Variants in DISC1 observed in about 807,000 individuals in gnomAD.
DISC1 encodes the protein disrupted in schizophrenia 1 protein.
In DISC1, 57 loss-of-function variants were observed where a neutral mutation model predicts 84.5. That is an observed-to-expected ratio of 0.67 (90% CI 0.55 to 0.84). The LOEUF (loss-of-function observed/expected upper bound fraction) is 0.84. Ranked by LOEUF, DISC1 falls within the 40% of genes least tolerant of loss-of-function variation. The pLI, the probability that DISC1 is intolerant of heterozygous loss-of-function variation, is 0.00. For missense variants in DISC1, 1,000 were observed against 1,057.8 expected (o/e 0.95, Z 0.76); for synonymous variants, 411 against 415.2 (o/e 0.99, Z 0.12).
intron 1 of DISC1, among the ~76,000 whole-genome samples, chr1:231,689,516 G>C (rs1008076224): frequency 6.6e-6 from 1 of 151,988 alleles, no homozygotes; most frequent in Non-Finnish European, 1.5e-5. Flanking sequence ...ATTTTTAGTA[G>C]AGATGGGGCC....
chr1:231,889,660 T>A (rs1237927721), intron 9 of DISC1, among the ~76,000 whole-genome samples: 1 of 152,214 alleles, frequency 6.6e-6, no homozygotes, highest in African/African-American at 2.4e-5. Context: ...GTGATCCCAC[T>A]GGATCTCAGA....
At chr1:231,973,602 C>G (rs770908320) in intron 10 of DISC1, among the ~76,000 whole-genome samples, 1 of 152,156 alleles carries the variant, frequency 6.6e-6, no homozygotes, top group African/African-American at 2.4e-5. Context: ...AACAACCCAC[C>G]GAAGCATCAG....
chr1:231,884,581 A>G (rs2125989180), intron 9 of DISC1, among the ~76,000 whole-genome samples: 1 of 152,254 alleles, frequency 6.6e-6, no homozygotes, highest in Non-Finnish European at 1.5e-5. Flanking sequence ...TGACTTTATG[A>G]TGAAACAATT....
chr1:231,970,489 C>T (rs1486571317), intron 10 of DISC1, among the ~76,000 whole-genome samples: 1 of 152,136 alleles, frequency 6.6e-6, no homozygotes, highest in Non-Finnish European at 1.5e-5. Context: ...TGGTGAGGGC[C>T]CTCTTCCCAG....
intron 6 of DISC1, among the ~76,000 whole-genome samples, chr1:231,772,683 G>A (rs760502931): frequency 3.9e-5 from 6 of 152,184 alleles, no homozygotes; most frequent in Non-Finnish European, 8.8e-5. Context: ...CTTTACAATG[G>A]AAATTTCAGT....
chr1:232,025,567 A>G lies in DISC1; in HGVS notation c.2308-868A>G, dbSNP rs540947594. Among the ~76,000 whole-genome samples, 42 of 151,760 alleles carry G rather than the reference A, an allele frequency of 2.8e-4. 1 individual carries two copies. The South Asian group carries it at 8.8e-3, about 32-fold the overall frequency. On this transcript the variant is annotated intron_variant, in intron 11 of 12. Transcript: ENST00000439617. ...AGATACTATGCCAGGGGCTCTAGGG[A>G]TAGCAGCAAAAAGACATCATCATCC...
At chr1:231,943,025 A>C (rs187091584) in intron 9 of DISC1, among the ~76,000 whole-genome samples, 24 of 152,350 alleles carry the variant, frequency 1.6e-4, no homozygotes, top group African/African-American at 5.8e-4. Flanking sequence ...TTAACTGTGG[A>C]TATCGGTAAA....
chr1:231,717,689 C>G (rs928058889), intron 3 of DISC1, among the ~76,000 whole-genome samples: 1 of 152,136 alleles, frequency 6.6e-6, no homozygotes, highest in Non-Finnish European at 1.5e-5. Flanking sequence ...GTCTCCAGGT[C>G]CCATAGACTG....
chr1:232,025,627 C>G (rs1195578176), intron 11 of DISC1, among the ~76,000 whole-genome samples: 3 of 146,354 alleles, frequency 2.0e-5, no homozygotes, highest in Non-Finnish European at 3.0e-5. Context: ...GACGGAGTCT[C>G]GCTCTGTCGC....
chr1:231,769,896 T>C (rs1051355105), intron 5 of DISC1, among the ~76,000 whole-genome samples: 9 of 152,136 alleles, frequency 5.9e-5, no homozygotes, highest in African/African-American at 2.2e-4. Flanking sequence ...TTGGAGCAAT[T>C]GGGGACACTG....
At chr1:231,907,239 C>T (rs1338263449) in intron 9 of DISC1, among the ~76,000 whole-genome samples, 3 of 150,750 alleles carry the variant, frequency 2.0e-5, no homozygotes, top group Non-Finnish European at 4.4e-5. Flanking sequence ...CATATGTATA[C>T]ATGTGCCATG....
At chr1:232,013,106 CG>C (rs779028834) in intron 11 of DISC1, among the ~76,000 whole-genome samples, 5 of 152,168 alleles carry the variant, frequency 3.3e-5, no homozygotes, top group Non-Finnish European at 7.3e-5. Context: ...CTCTTTTGTA[CG>C]GGCTGTTCTG....
chr1:231,855,486 C>T (rs2084204150), intron 9 of DISC1: 1 of 937,830 alleles, frequency 1.1e-6, no homozygotes, highest in Admixed American at 6.2e-5. Flanking sequence ...ATCCTCCTTC[C>T]CAAACTTGAA....
intron 10 of DISC1, among the ~76,000 whole-genome samples, chr1:231,970,654 T>C (rs1414610885): frequency 1.3e-5 from 2 of 152,322 alleles, no homozygotes; most frequent in East Asian, 3.9e-4. Context: ...AAGATGACCA[T>C]GACTTTCACT....
chr1:231,866,455 C>T (rs1018439104), intron 9 of DISC1: 1 of 769,558 alleles, frequency 1.3e-6, no homozygotes, highest in Admixed American at 1.8e-5. Context: ...TGACCAACAG[C>T]TAACACTTAT....
At chr1:231,726,624 A>G (rs1293441909) in intron 3 of DISC1, among the ~76,000 whole-genome samples, 1 of 152,178 alleles carries the variant, frequency 6.6e-6, no homozygotes, top group African/African-American at 2.4e-5. Flanking sequence ...ACATAATGTA[A>G]AAGACAATAT....
chr1:231,936,701 T>C (rs2091000704), intron 9 of DISC1, among the ~76,000 whole-genome samples: 1 of 152,206 alleles, frequency 6.6e-6, no homozygotes, highest in South Asian at 2.1e-4. Flanking sequence ...AGGACACTGC[T>C]CTTTACCTTT....
At chr1:231,854,645 C>T (rs949598981) in intron 9 of DISC1, 1 of 153,648 alleles carries the variant, frequency 6.5e-6, no homozygotes, top group Middle Eastern at 3.3e-3. Context: ...TTATGTCTCT[C>T]CTATGTGGTG....
intron 6 of DISC1, among the ~76,000 whole-genome samples, chr1:231,789,974 C>A (rs6679687): frequency 6.6e-6 from 1 of 151,830 alleles, no homozygotes; most frequent in South Asian, 2.1e-4. Flanking sequence ...CCATAATAAT[C>A]ATTTTTAAAA....
Sources: allele counts gnomAD v4.1 joint callset (sites outside exome capture counted in the v4.1 genomes callset), GRCh38; gene constraint gnomAD v4.1.1; transcripts MANE v1.5; gene names NCBI Gene and HGNC (gene_info 2026-07-23, HGNC 2026-07-21).